AHCYL2: variants seen among roughly 807,000 people sequenced by gnomAD.
AHCYL2 encodes the protein adenosylhomocysteinase like 2, also known as S-adenosylhomocysteine hydrolase-like protein 2.
Under a neutral mutation model 81.4 loss-of-function variants are expected in AHCYL2, and 28 were observed. The ratio of observed to expected loss-of-function variants is 0.34; its 90% CI spans 0.25 to 0.47. The LOEUF is 0.47. Ranked by LOEUF, AHCYL2 falls within the 20% of genes least tolerant of loss-of-function variation. The pLI, the probability that AHCYL2 is intolerant of heterozygous loss-of-function variation, is 1.00. For synonymous variants in AHCYL2, 272 were observed against 290.2 expected (o/e 0.94, Z 0.64); for missense variants, 551 against 785.1 (o/e 0.70, Z 3.56).
At chr7:129,300,588 A>G (rs1305325300) in intron 1 of AHCYL2, among the ~76,000 whole-genome samples, 1 of 152,230 alleles carries the variant, frequency 6.6e-6, no homozygotes, top group Non-Finnish European at 1.5e-5. Context: ...GCTGTTGTGA[A>G]CAGTGCTACA....
chr7:129,268,549 T>C (rs1301306344), intron 1 of AHCYL2, among the ~76,000 whole-genome samples: 1 of 152,054 alleles, frequency 6.6e-6, no homozygotes, highest in East Asian at 1.9e-4. Context: ...GAGGTTTCAC[T>C]ATGTAGGCCA....
At chr7:129,327,192 G>T (rs1798255183) in intron 1 of AHCYL2, among the ~76,000 whole-genome samples, 1 of 152,126 alleles carries the variant, frequency 6.6e-6, no homozygotes, top group Admixed American at 6.5e-5. Context: ...GAGGTCATAA[G>T]TGTGGAGTCT....
At chr7:129,382,183 C>A (rs1794987131) in intron 2 of AHCYL2, among the ~76,000 whole-genome samples, 1 of 152,202 alleles carries the variant, frequency 6.6e-6, no homozygotes, top group African/African-American at 2.4e-5. Context: ...AAAAGAGTTT[C>A]ATGTGCATCG....
intron 4 of AHCYL2, among the ~76,000 whole-genome samples, chr7:129,391,526 T>C (rs947110653): frequency 2.6e-5 from 4 of 152,204 alleles, no homozygotes; most frequent in Non-Finnish European, 5.9e-5. Context: ...CTTCCAATTA[T>C]TGTGGCAACC....
intron 1 of AHCYL2, among the ~76,000 whole-genome samples, chr7:129,331,498 A>G (rs891426436): frequency 2.0e-5 from 3 of 152,204 alleles, no homozygotes; most frequent in East Asian, 1.9e-4. Context: ...AATTGATGCA[A>G]CGTATGTTGT....
At chr7:129,409,357 T>C in intron 10 of AHCYL2, 119 bp from the exon 11 acceptor site, 1 of 703,688 alleles carries the variant, frequency 1.4e-6, no homozygotes, top group Non-Finnish European at 2.4e-6. Flanking sequence ...TTTTCACTTC[T>C]AAGAATAGTT....
Position 129,307,069 on chromosome 7 carries a change from A to C in AHCYL2, c.364-72569A>C, listed in dbSNP as rs149876347. Among the ~76,000 whole-genome samples the C allele has an allele frequency of 5.1e-3, 780 of 152,234 alleles. 11 individuals are homozygous for C. Among genetic ancestry groups the C allele is most frequent in the African/African-American group, 0.018 (746 of 41,540 alleles). On this transcript the variant is annotated intron_variant, in intron 1 of 16. Coordinates refer to ENST00000325006, the MANE Select transcript of AHCYL2 (RefSeq NM_015328.4). Reference sequence around the variant, plus strand: ...CAGTCCTGAAGCCAGTAAAGTGTTGAATCTTGTCCAGGGGGTGCTGTGACC... The same window carrying C: ...CAGTCCTGAAGCCAGTAAAGTGTTGCATCTTGTCCAGGGGGTGCTGTGACC...
chr7:129,395,196 T>G (rs1461016042), intron 4 of AHCYL2, among the ~76,000 whole-genome samples: 2 of 152,220 alleles, frequency 1.3e-5, no homozygotes, highest in African/African-American at 4.8e-5. Context: ...TGCTTCTGCT[T>G]TACCCTCAGC....
At position 129,388,711 on chromosome 7, in the gene AHCYL2, T is replaced by C. The variant is rs1584866961; in HGVS notation, c.476-345T>C. 1.5e-5 allele frequency: 3 copies of C among 205,072 alleles called. No individual in the cohort carries two copies. The East Asian group carries it at 3.9e-4, about 27-fold the overall frequency. 12.7% of individuals were successfully genotyped at this position (205,072 alleles called of 1,614,324 possible). A position where few individuals can be genotyped will look rare whatever the true frequency, so the allele number is the denominator to read the frequency against. On this transcript the variant is annotated intron_variant, in intron 2 of 16. Transcript: ENST00000325006. Reference sequence around the variant, plus strand: ...TAAGCAGCACACAGAGCAGAGTAGTTAGAATCCCAAAAACCCATATGTTAA... The same window carrying C: ...TAAGCAGCACACAGAGCAGAGTAGTCAGAATCCCAAAAACCCATATGTTAA...
chr7:129,245,635 A>T (rs1446762964), intron 1 of AHCYL2, among the ~76,000 whole-genome samples: 1 of 152,174 alleles, frequency 6.6e-6, no homozygotes, highest in Admixed American at 6.5e-5. Flanking sequence ...TATTTCACTT[A>T]GCATAATATC....
At chr7:129,370,469 C>T (rs1307608258) in intron 1 of AHCYL2, among the ~76,000 whole-genome samples, 45 of 152,074 alleles carry the variant, frequency 3.0e-4, no homozygotes, top group Non-Finnish European at 5.1e-4. Flanking sequence ...GAGGCCAGGG[C>T]GGGCAGATCA....
intron 1 of AHCYL2, among the ~76,000 whole-genome samples, chr7:129,286,756 C>T (rs778529054): frequency 1.3e-5 from 2 of 151,892 alleles, no homozygotes; most frequent in Non-Finnish European, 1.5e-5. Flanking sequence ...CCACCACTTC[C>T]AGCTCCTTTA....
At chr7:129,300,980 G>C (rs1797239363) in intron 1 of AHCYL2, among the ~76,000 whole-genome samples, 1 of 152,042 alleles carries the variant, frequency 6.6e-6, no homozygotes, top group African/African-American at 2.4e-5. Context: ...TTACAAATCT[G>C]AATAATTTTT....
chr7:129,225,088 G>C lies in AHCYL2; in HGVS notation c.12G>C (p.Gln4His). The part of the protein sequence containing the change: MSV[Q>H]VVSAAAAAKV... ...CAGCGGAGGCGGTGATGTCGGTGCAGGTTGTGTCAGCCGCGGCTGCCGCCA... is the reference window on the plus strand; with the variant it reads ...CAGCGGAGGCGGTGATGTCGGTGCACGTTGTGTCAGCCGCGGCTGCCGCCA... Residue 4 changes from glutamine (Q) to histidine (H), a missense_variant, in exon 1 of 17, where the codon CAG (glutamine) becomes CAC (histidine). Transcript: ENST00000325006. 6.3e-7 allele frequency: 1 copy of C among 1,595,572 alleles called. No homozygotes were observed. The highest frequency in any genetic ancestry group is 2.3e-5 in the East Asian group (1 of 44,006).
rs56115169 is a variant in AHCYL2, at chr7:129,350,714, C to CTT, written c.364-28908_364-28907dup. 4.1e-5 allele frequency among the ~76,000 whole-genome samples: 5 copies of CTT among 122,142 alleles called. No individual in the cohort carries two copies. The East Asian group carries it at 7.1e-4, about 17-fold the overall frequency. The allele number at this position is 122,142 out of a possible 152,430, so 80.1% of individuals were successfully genotyped here. A position where few individuals can be genotyped will look rare whatever the true frequency, so the allele number is the denominator to read the frequency against. Reference sequence around the variant, plus strand: ...TCATTTTCTTTTTCTTTCTTTCTTTCTTTTTTTTTTTTTTTTTATCTTTTA... The same window carrying CTT: ...TCATTTTCTTTTTCTTTCTTTCTTTCTTTTTTTTTTTTTTTTTTTATCTTTTA... On this transcript the variant is annotated intron_variant, in intron 1 of 16. Coordinates refer to ENST00000325006, the MANE Select transcript of AHCYL2 (RefSeq NM_015328.4).
chr7:129,230,719 C>A (rs1794401228), intron 1 of AHCYL2, among the ~76,000 whole-genome samples: 1 of 151,534 alleles, frequency 6.6e-6, no homozygotes, highest in Non-Finnish European at 1.5e-5. Context: ...ACTACAGGTG[C>A]ACGCCACCAC....
chr7:129,355,723 TCTCCC>T (rs1293431224), intron 1 of AHCYL2, among the ~76,000 whole-genome samples: 10 of 152,168 alleles, frequency 6.6e-5, no homozygotes, highest in Non-Finnish European at 1.2e-4. Context: ...ACTCTGTAGG[TCTCCC>T]TTAAGGTTTG....
chr7:129,400,286 C>G lies in AHCYL2; in HGVS notation c.824-4C>G. On this transcript the variant is annotated splice_polypyrimidine_tract_variant and splice_region_variant and intron_variant, in intron 5 of 16. Transcript: ENST00000325006. ...TGGTTTCCCTTTGTTCCTTTTTTTCCCAGGATTTCCTGTTTTTGCCTGGAA... is the reference window on the plus strand; with the variant it reads ...TGGTTTCCCTTTGTTCCTTTTTTTCGCAGGATTTCCTGTTTTTGCCTGGAA... 1 of 1,608,588 alleles carries G rather than the reference C, an allele frequency of 6.2e-7. No individual in the cohort carries two copies. The highest frequency in any genetic ancestry group is 1.1e-5 in the South Asian group (1 of 90,196).
intron 4 of AHCYL2, among the ~76,000 whole-genome samples, chr7:129,391,223 G>A (rs1266116390): frequency 6.6e-6 from 1 of 152,142 alleles, no homozygotes; most frequent in African/African-American, 2.4e-5. Context: ...ACAACTTTTT[G>A]TAATCTTCTA....
Sources: allele counts gnomAD v4.1 joint callset (sites outside exome capture counted in the v4.1 genomes callset), GRCh38; gene constraint gnomAD v4.1.1; transcripts MANE v1.5; gene names NCBI Gene and HGNC (gene_info 2026-07-23, HGNC 2026-07-21).